Variants in NDRG3 observed in about 807,000 individuals in gnomAD.
The protein encoded by NDRG3 is protein NDRG3.
Under a neutral mutation model 57.2 loss-of-function variants are expected in NDRG3, and 23 were observed. The ratio of observed to expected loss-of-function variants is 0.40; its 90% CI spans 0.29 to 0.57. The LOEUF is 0.57. NDRG3 is among the 20% of genes least tolerant of loss of function. NDRG3 has a pLI of 0.42. For missense variants in NDRG3, 384 were observed against 457.3 expected (o/e 0.84, Z 1.46); for synonymous variants, 132 against 162.6 (o/e 0.81, Z 1.43).
intron 8 of NDRG3, among the ~76,000 whole-genome samples, chr20:36,680,298 A>T (rs1981148097): frequency 6.6e-6 from 1 of 151,702 alleles, no homozygotes; most frequent in African/African-American, 2.4e-5. Flanking sequence ...CAGCCTGGTC[A>T]AGATGGTGAA....
intron 1 of NDRG3, among the ~76,000 whole-genome samples, chr20:36,740,259 C>G (rs1256166281): frequency 6.6e-6 from 1 of 152,220 alleles, no homozygotes; most frequent in East Asian, 1.9e-4. Flanking sequence ...TAATGTTTGC[C>G]ACTGCAATTA....
At chr20:36,700,406 T>TA (rs1403316927) in intron 3 of NDRG3, 6 of 518,702 alleles carry the variant, frequency 1.2e-5, no homozygotes, top group South Asian at 8.8e-5. Flanking sequence ...CTTAGCAGAA[T>TA]AAAAAACAAA....
chr20:36,714,086 C>T (rs1327828240), intron 2 of NDRG3, among the ~76,000 whole-genome samples: 1 of 151,924 alleles, frequency 6.6e-6, no homozygotes. Context: ...TATAATAAAT[C>T]GGTGTATTAA....
chr20:36,692,207 T>G (rs1008162739), intron 3 of NDRG3, among the ~76,000 whole-genome samples: 1 of 152,110 alleles, frequency 6.6e-6, no homozygotes, highest in Non-Finnish European at 1.5e-5. Flanking sequence ...AGAACCAACA[T>G]ATACTGTTTT....
intron 2 of NDRG3, among the ~76,000 whole-genome samples, chr20:36,716,758 T>C (rs1984304164): frequency 6.6e-6 from 1 of 152,024 alleles, no homozygotes; most frequent in Admixed American, 6.6e-5. Flanking sequence ...GCAGGGAAAA[T>C]GAGGCAAAAC....
At position 36,680,823 on chromosome 20, in the gene NDRG3, G is replaced by A; in HGVS notation, c.524C>T (p.Ala175Val). The change falls in exon 8 of 16, where the codon GCT (alanine) becomes GTT (valine). Residue 175 changes from alanine to valine, a missense_variant. Transcript: ENST00000349004. Reference protein sequence around the residue: ...PCAKGWIDWAASKLSGLTTNV... With the variant: ...PCAKGWIDWAVSKLSGLTTNV... ...CCTTCATGTGGTACTTACTTTGGAA[G>A]CTGCCCAGTCAATCCAGCCTTTAGC... 6.2e-7 allele frequency: 1 copy of A among 1,613,886 alleles called. No individual in the cohort carries two copies. The highest frequency in any genetic ancestry group is 8.5e-7 in the Non-Finnish European group (1 of 1,179,796).
intron 1 of NDRG3, 121 bp downstream of exon 1, chr20:36,745,924 C>T (rs886208727): frequency 1.7e-4 from 38 of 229,586 alleles, no homozygotes; most frequent in African/African-American, 8.5e-4. Flanking sequence ...GCAAGCAGCA[C>T]GGGCCACCAG....
chr20:36,682,965 G>A (rs974468694), intron 6 of NDRG3, among the ~76,000 whole-genome samples: 22 of 151,814 alleles, frequency 1.4e-4, no homozygotes, highest in Non-Finnish European at 5.9e-5. Flanking sequence ...AACAAAGGCT[G>A]GGCACGGTGG....
At chr20:36,730,472 T>C (rs1023685331) in intron 1 of NDRG3, among the ~76,000 whole-genome samples, 5 of 152,034 alleles carry the variant, frequency 3.3e-5, no homozygotes, top group African/African-American at 1.2e-4. Flanking sequence ...CAGGCTAAGA[T>C]GCGATTTTTT....
chr20:36,681,899 T>C (rs1335968313), intron 7 of NDRG3, among the ~76,000 whole-genome samples: 1 of 151,964 alleles, frequency 6.6e-6, no homozygotes, highest in Non-Finnish European at 1.5e-5. Context: ...GGTTTCACCA[T>C]GTTGGCCAGG....
At chr20:36,704,365 G>A (rs112544374) in intron 3 of NDRG3, among the ~76,000 whole-genome samples, 1 of 152,014 alleles carries the variant, frequency 6.6e-6, no homozygotes, top group Non-Finnish European at 1.5e-5. Flanking sequence ...GTTAGCCACC[G>A]CACCCCACTA....
intron 3 of NDRG3, among the ~76,000 whole-genome samples, chr20:36,699,206 C>A (rs1390836413): frequency 6.6e-6 from 1 of 152,086 alleles, no homozygotes; most frequent in Non-Finnish European, 1.5e-5. Flanking sequence ...AATCAGCCAC[C>A]CAAAGCGCTA....
rs915414263 is a variant in NDRG3, at chr20:36,723,658, T to G, written c.-48-1875A>C. On this transcript the variant is annotated intron_variant, in intron 1 of 15. Coordinates refer to ENST00000349004, the MANE Select transcript of NDRG3 (RefSeq NM_032013.4). ...AGAAAGCCTTCAAAAGATATTAGTC[T>G]AGTGTGTGTGTGTGTGTGTGTGTGT... Among the ~76,000 whole-genome samples the G allele has an allele frequency of 4.9e-5, 5 of 102,144 alleles. No individual in the cohort carries two copies. In the East Asian group the frequency reaches 1.4e-3, roughly 28 times the overall value. 67.0% of individuals were successfully genotyped at this position (102,144 alleles called of 152,430 possible). A position where few individuals can be genotyped will look rare whatever the true frequency, so the allele number is the denominator to read the frequency against.
At chr20:36,682,312 T>C (rs1426599808) in intron 7 of NDRG3, among the ~76,000 whole-genome samples, 1 of 152,246 alleles carries the variant, frequency 6.6e-6, no homozygotes, top group Non-Finnish European at 1.5e-5. Context: ...TTGCTTTTTA[T>C]TGATGATGTA....
chr20:36,690,383 A>G (rs1390354503), intron 3 of NDRG3, among the ~76,000 whole-genome samples: 1 of 151,648 alleles, frequency 6.6e-6, no homozygotes, highest in Non-Finnish European at 1.5e-5. Context: ...AGATGCACCG[A>G]GCAAAGCTCA....
intron 2 of NDRG3, 47 bp from the exon 3 acceptor site, chr20:36,707,054 C>T (rs1287528284): frequency 6.4e-7 from 1 of 1,567,164 alleles, no homozygotes; most frequent in Non-Finnish European, 8.8e-7. Flanking sequence ...CACATGGTTT[C>T]CCCACATGTG....
intron 9 of NDRG3, among the ~76,000 whole-genome samples, chr20:36,671,028 C>T (rs899996861): frequency 6.6e-6 from 1 of 152,140 alleles, no homozygotes; most frequent in Non-Finnish European, 1.5e-5. Flanking sequence ...TTCTGTGAAG[C>T]CTTTCCCAGA....
At chr20:36,702,718 C>T (rs1476495152) in intron 3 of NDRG3, among the ~76,000 whole-genome samples, 1 of 148,944 alleles carries the variant, frequency 6.7e-6, no homozygotes, top group Non-Finnish European at 1.5e-5. Flanking sequence ...GATGGAGTTT[C>T]GCTCTTGTTG....
At chr20:36,675,455 C>T (rs1270971716) in intron 8 of NDRG3, among the ~76,000 whole-genome samples, 14 of 146,484 alleles carry the variant, frequency 9.6e-5, no homozygotes, top group Non-Finnish European at 1.5e-4. Flanking sequence ...GGCACGATCT[C>T]GACTCACTGC....
Sources: gnomAD v4.1 joint callset for allele counts (sites outside exome capture counted in the v4.1 genomes callset) on GRCh38, gnomAD v4.1.1 for gene constraint, MANE v1.5 for transcripts, NCBI Gene and HGNC (gene_info 2026-07-23, HGNC 2026-07-21) for gene names.